LCK: variants seen among roughly 807,000 people sequenced by gnomAD.
LCK encodes tyrosine-protein kinase Lck.
LCK carries 14 observed loss-of-function variants against 64.6 expected under a neutral mutation model. The ratio of observed to expected loss-of-function variants is 0.22; its 90% CI spans 0.14 to 0.34. The LOEUF (loss-of-function observed/expected upper bound fraction) is 0.34. Among genes scored for constraint, LCK ranks in the 10% least tolerant of loss-of-function variants. The pLI is 1.00. For missense variants in LCK, 434 were observed against 668.1 expected (o/e 0.65, Z 3.86); for synonymous variants, 277 against 263.6 (o/e 1.05, Z -0.49).
chr1:32,279,640 T>C (rs1640389145), intron 9 of LCK, 31 bp from the exon 10 acceptor site: 1 of 1,613,946 alleles, frequency 6.2e-7, no homozygotes, highest in Non-Finnish European at 8.5e-7. Flanking sequence ...CTGGGGCAAC[T>C]TGGGCCAGCA....
chr1:32,259,635 T>A (rs56348024), intron 1 of LCK, among the ~76,000 whole-genome samples: 16,996 of 148,694 alleles, frequency 0.11, 1,659 homozygotes, highest in African/African-American at 0.24. Context: ...ATAAAAATAA[T>A]AATAATAATA....
intron 1 of LCK, among the ~76,000 whole-genome samples, chr1:32,255,697 C>T (rs1479516307): frequency 6.6e-6 from 1 of 152,158 alleles, no homozygotes; most frequent in Non-Finnish European, 1.5e-5. Flanking sequence ...CCACCTCTGT[C>T]ACAGAGGGCA....
chr1:32,285,337 C>A (rs1640583143), intron 12 of LCK, among the ~76,000 whole-genome samples, 177 bp from the exon 13 acceptor site: 1 of 152,182 alleles, frequency 6.6e-6, no homozygotes, highest in Non-Finnish European at 1.5e-5. Context: ...ATACCAGGCA[C>A]TCCAAGTGGT....
chr1:32,254,441 C>T (rs1309816705), intron 1 of LCK, among the ~76,000 whole-genome samples: 2 of 152,184 alleles, frequency 1.3e-5, no homozygotes, highest in Non-Finnish European at 1.5e-5. Context: ...CTGCCTTAGC[C>T]TCCCCAGTAA....
At chr1:32,277,031 G>A in intron 9 of LCK, 1 of 283,670 alleles carries the variant, frequency 3.5e-6, no homozygotes, top group South Asian at 7.2e-5. Context: ...CCAATATGGT[G>A]AAACTCTGTC....
chr1:32,274,672 G>T (rs11576027), intron 2 of LCK, 65 bp from the exon 3 acceptor site: 1 of 1,326,676 alleles, frequency 7.5e-7, no homozygotes, highest in Non-Finnish European at 1.0e-6. Context: ...GAGCAGGGGG[G>T]AAGGGGGCCA....
Position 32,274,809 on chromosome 1 carries a change from C to T in LCK, c.178C>T (p.Pro60Ser). 6.2e-7 allele frequency: 1 copy of T among 1,613,932 alleles called. No individual in the cohort carries two copies. Among genetic ancestry groups the T allele is most frequent in the Non-Finnish European group, 8.5e-7 (1 of 1,179,910 alleles). The change falls in exon 3 of 13, where the codon CCA (proline) becomes TCA (serine). Residue 60 changes from proline (P) to serine (S), a missense_variant. Around this residue, in one of 2 missense-constraint regions of LCK, gnomAD observed 233 missense variants for 291.2 expected, o/e 0.80. Transcript: ENST00000336890. ...CGAAGGCTCCAATCCGCCGGCTTCC[C>T]CACTGCAAGGTGACCCCAGGCAGCA... The part of the protein sequence containing the change: ...TYEGSNPPAS[P>S]LQDNLVIALH...
At chr1:32,259,109 A>G (rs1639700089) in intron 1 of LCK, among the ~76,000 whole-genome samples, 1 of 151,802 alleles carries the variant, frequency 6.6e-6, no homozygotes, top group African/African-American at 2.4e-5. Flanking sequence ...ACTAGAAATT[A>G]ATTACTGACG....
chr1:32,280,971 G>A (rs963617993), intron 12 of LCK, among the ~76,000 whole-genome samples: 8 of 152,210 alleles, frequency 5.3e-5, no homozygotes, highest in African/African-American at 1.9e-4. Context: ...GCCAGGTACA[G>A]TGGCTTATGC....
Position 32,279,960 on chromosome 1 carries a change from C to A in LCK, c.1161C>A (p.Arg387=), listed in dbSNP as rs2124368892. 6.2e-7 allele frequency: 1 copy of A among 1,614,172 alleles called. No homozygotes were observed. The highest frequency in any genetic ancestry group is 1.7e-5 in the Admixed American group (1 of 60,020). ...SCKIADFGLA[R]LIEDNEYTAR... is the part of the protein sequence containing the mutation. ...AGATTGCAGACTTTGGCCTAGCACG[C>A]CTCATTGAGGACAACGAGTACACAG... Residue 387 remains arginine (R), a synonymous_variant, in exon 11 of 13, where the codon CGC becomes CGA. Coordinates refer to ENST00000336890, the MANE Select transcript of LCK (RefSeq NM_005356.5).
At chr1:32,272,622 AAAGAGAGAG>A (rs1449433409) in intron 1 of LCK, among the ~76,000 whole-genome samples, 289 of 145,232 alleles carry the variant, frequency 2.0e-3, no homozygotes, top group African/African-American at 7.1e-3. Flanking sequence ...AGAGAGAGAG[AAAGAGAGAG>A]AGAGAGAGAG....
chr1:32,282,700 A>G (rs776776374), intron 12 of LCK, among the ~76,000 whole-genome samples: 1 of 151,928 alleles, frequency 6.6e-6, no homozygotes, highest in Non-Finnish European at 1.5e-5. Flanking sequence ...CAGCCACTCA[A>G]GAGGCTGGGG....
Position 32,285,548 on chromosome 1 carries a change from G to A in LCK, c.1362G>A (p.Glu454=), listed in dbSNP as rs1411079764. 4 of 1,614,230 alleles carry A rather than the reference G, an allele frequency of 2.5e-6. No individual in the cohort carries two copies. In the Admixed American group the frequency reaches 5.0e-5, roughly 20 times the overall value. Residue 454 remains glutamate, a synonymous_variant, in exon 13 of 13, where the codon GAG becomes GAA. Transcript: ENST00000336890. ...ACCCGGAGGTGATTCAGAACCTGGA[G>A]CGAGGCTACCGCATGGTGCGCCCTG... ...MTNPEVIQNL[E]RGYRMVRPDN...
chr1:32,271,440 G>A (rs1640077411), intron 1 of LCK, among the ~76,000 whole-genome samples: 1 of 152,118 alleles, frequency 6.6e-6, no homozygotes, highest in African/African-American at 2.4e-5. Flanking sequence ...ACTTTGGGAG[G>A]CCAAGAAGGA....
intron 3 of LCK, 85 bp downstream of exon 3, chr1:32,274,903 C>A (rs775773542): frequency 1.2e-6 from 2 of 1,613,968 alleles, no homozygotes; most frequent in South Asian, 2.2e-5. Context: ...TACTTTCTCC[C>A]CGGTCTTGCC....
chr1:32,275,251 G>A lies in LCK; in HGVS notation c.279-70G>A. 1 of 1,540,170 alleles carries A rather than the reference G, an allele frequency of 6.5e-7. No homozygotes were observed. Among genetic ancestry groups the A allele is most frequent in the Non-Finnish European group, 9.0e-7 (1 of 1,113,926 alleles). ...TTGGGGGAGGCTGGCTTAAGGGGTG[G>A]AGGGGTCTTTGAGGGAGGGTCTCAG... On this transcript the variant is annotated intron_variant, in intron 4 of 12. Transcript: ENST00000336890. This position sits in a 1 kb window ranked among gnomAD's most constrained non-coding sequence, Gnocchi z 6.9.
At chr1:32,280,460 TTTTTTTTTTTTTTG>T (rs1640423120) in intron 12 of LCK, among the ~76,000 whole-genome samples, 1 of 128,940 alleles carries the variant, frequency 7.8e-6, no homozygotes, top group South Asian at 2.9e-4. Context: ...TTTTTTTTTT[TTTTTTTTTTTTTTG>T]AGACGGAGTC....
rs1430244480 is a variant in LCK at position 32,267,961 on chromosome 1, G to A, written c.-5-6364G>A. 5.9e-5 allele frequency among the ~76,000 whole-genome samples: 9 copies of A among 152,110 alleles called. No homozygotes were observed. In the South Asian group the frequency reaches 6.2e-4, roughly 11 times the overall value. On this transcript the variant is annotated intron_variant, in intron 1 of 12. Transcript: ENST00000336890. ...TGTAATCCCAGCACTTTGGGAGGCC[G>A]AGGCAGGAGGATCACAAGGTGAGGA...
intron 1 of LCK, among the ~76,000 whole-genome samples, chr1:32,263,291 C>A (rs1639827250): frequency 6.6e-6 from 1 of 151,922 alleles, no homozygotes; most frequent in Non-Finnish European, 1.5e-5. Flanking sequence ...ACTTGGGAGG[C>A]TCAAACAGGA....
Sources: gnomAD v4.1 joint callset for allele counts (sites outside exome capture counted in the v4.1 genomes callset) on GRCh38, gnomAD v4.1.1 for gene constraint, gnomAD v4.1.1 regional missense constraint, Gnocchi (gnomAD v3.1) non-coding constraint, MANE v1.5 for transcripts, NCBI Gene and HGNC (gene_info 2026-07-23, HGNC 2026-07-21) for gene names.